LRRTM4: variants seen among roughly 807,000 people sequenced by gnomAD.
LRRTM4 encodes the protein leucine-rich repeat transmembrane neuronal protein 4.
A neutral mutation model predicts 47.6 loss-of-function variants in LRRTM4; 25 were observed. The ratio of observed to expected loss-of-function variants is 0.53; its 90% CI spans 0.38 to 0.73. The LOEUF (loss-of-function observed/expected upper bound fraction) is 0.73. Among genes scored for constraint, LRRTM4 ranks in the 30% least tolerant of loss-of-function variants. The pLI, the probability that LRRTM4 is intolerant of heterozygous loss-of-function variation, is 0.00. For missense variants in LRRTM4, 638 were observed against 713.4 expected (o/e 0.89, Z 1.20); for synonymous variants, 311 against 269.5 (o/e 1.15, Z -1.51).
At chr2:77,029,031 TCACACACA>T (rs201640727) in intron 3 of LRRTM4, among the ~76,000 whole-genome samples, 5 of 98,464 alleles carry the variant, frequency 5.1e-5, no homozygotes, top group East Asian at 5.6e-4. Flanking sequence ...CGAGAGTCCA[TCACACACA>T]CACACACACA....
intron 3 of LRRTM4, among the ~76,000 whole-genome samples, chr2:77,258,650 C>T (rs941553312): frequency 3.3e-5 from 5 of 151,562 alleles, no homozygotes; most frequent in Non-Finnish European, 5.9e-5. Flanking sequence ...ATAGTAAACT[C>T]GTAAACCCTT....
chr2:76,875,651 TTGCC>T (rs1239322749), intron 3 of LRRTM4, among the ~76,000 whole-genome samples: 1 of 152,110 alleles, frequency 6.6e-6, no homozygotes, highest in East Asian at 1.9e-4. Context: ...TCCCTGGCCT[TTGCC>T]TGTTTCTATA....
intron 3 of LRRTM4, among the ~76,000 whole-genome samples, chr2:77,307,381 C>A (rs1677310849): frequency 6.6e-6 from 1 of 151,108 alleles, no homozygotes; most frequent in East Asian, 1.9e-4. Flanking sequence ...TTCACACATT[C>A]ATTAAGAAAC....
intron 2 of LRRTM4, among the ~76,000 whole-genome samples, chr2:77,520,950 T>C (rs1449995402): frequency 6.6e-6 from 1 of 152,010 alleles, no homozygotes; most frequent in African/African-American, 2.4e-5. Context: ...GTTTCTTTTT[T>C]TTTCTTAAAT....
chr2:76,972,522 A>T (rs971111639), intron 3 of LRRTM4, among the ~76,000 whole-genome samples: 2 of 144,760 alleles, frequency 1.4e-5, no homozygotes, highest in African/African-American at 5.2e-5. Flanking sequence ...AGTTCAAGCG[A>T]TTCTTCTGCC....
chr2:77,471,138 T>C (rs1023515150), intron 3 of LRRTM4, among the ~76,000 whole-genome samples: 1 of 152,094 alleles, frequency 6.6e-6, no homozygotes, highest in Non-Finnish European at 1.5e-5. Context: ...CAAGTGTGCA[T>C]CTAAAAACTT....
intron 3 of LRRTM4, among the ~76,000 whole-genome samples, chr2:77,080,370 C>A (rs1262547490): frequency 1.3e-5 from 2 of 152,176 alleles, no homozygotes; most frequent in Non-Finnish European, 2.9e-5. Flanking sequence ...CACACTCTCA[C>A]TGTACACATC....
At chr2:76,800,543 G>T (rs1356729371) in intron 3 of LRRTM4, among the ~76,000 whole-genome samples, 1 of 143,822 alleles carries the variant, frequency 7.0e-6, no homozygotes, top group Middle Eastern at 3.6e-3. Context: ...ATAGGCATGG[G>T]CAAGGACTTC....
At chr2:77,261,531 A>G (rs1675918977) in intron 3 of LRRTM4, among the ~76,000 whole-genome samples, 2 of 152,080 alleles carry the variant, frequency 1.3e-5, no homozygotes, top group Admixed American at 1.3e-4. Flanking sequence ...GAAATGAAAC[A>G]TGAGAAATAA....
intron 3 of LRRTM4, among the ~76,000 whole-genome samples, chr2:76,758,408 C>T (rs1673139706): frequency 6.6e-6 from 1 of 152,132 alleles, no homozygotes; most frequent in Non-Finnish European, 1.5e-5. Context: ...AGGAAGAAAA[C>T]TGCAGAGGAC....
At chr2:77,045,900 A>T (rs552585785) in intron 3 of LRRTM4, among the ~76,000 whole-genome samples, 2 of 151,956 alleles carry the variant, frequency 1.3e-5, no homozygotes, top group Non-Finnish European at 2.9e-5. Flanking sequence ...AGTTTTTTAC[A>T]CTTGGTTTGA....
chr2:76,869,777 A>G (rs2104046729), intron 3 of LRRTM4, among the ~76,000 whole-genome samples: 1 of 152,354 alleles, frequency 6.6e-6, no homozygotes, highest in South Asian at 2.1e-4. Flanking sequence ...AAAGAAAGGC[A>G]CAAAAGAAAA....
intron 3 of LRRTM4, among the ~76,000 whole-genome samples, chr2:77,194,142 T>C (rs896449392): frequency 6.6e-6 from 1 of 152,136 alleles, no homozygotes; most frequent in Non-Finnish European, 1.5e-5. Context: ...GCCCAGGTCT[T>C]GGAGTTGTGC....
Position 77,518,759 on chromosome 2 carries a change from T to A in LRRTM4, c.1110A>T (p.Arg370Ser). 1 of 1,613,338 alleles carries A rather than the reference T, an allele frequency of 6.2e-7. No individual in the cohort carries two copies. Among genetic ancestry groups the A allele is most frequent in the Non-Finnish European group, 8.5e-7 (1 of 1,179,628 alleles). Residue 370 changes from arginine (R) to serine (S), a missense_variant, in exon 3 of 4, where the codon AGA becomes AGT. Transcript: ENST00000409884. ...CSEVQVVNTE[R>S]SHLVPQTPQK... ...GGGGAGTTTGGGGCACCAGGTGTGA[T>A]CTTTCTGTGTTGACCACCTGGACTT...
At chr2:77,286,367 AT>A (rs1358457747) in intron 3 of LRRTM4, among the ~76,000 whole-genome samples, 9 of 151,982 alleles carry the variant, frequency 5.9e-5, no homozygotes, top group Non-Finnish European at 8.8e-5. Context: ...TATGATATTA[AT>A]TTTTTAAATT....
chr2:76,897,518 C>T (rs1673463451), intron 3 of LRRTM4, among the ~76,000 whole-genome samples: 1 of 151,972 alleles, frequency 6.6e-6, no homozygotes, highest in Non-Finnish European at 1.5e-5. Flanking sequence ...TTTTATTAAT[C>T]TCTGGTAAAC....
chr2:77,212,513 G>GTA (rs1451729768), intron 3 of LRRTM4, among the ~76,000 whole-genome samples: 39 of 148,344 alleles, frequency 2.6e-4, no homozygotes, highest in Non-Finnish European at 3.7e-4. Flanking sequence ...TTAATCTCGT[G>GTA]TATATATATA....
intron 3 of LRRTM4, among the ~76,000 whole-genome samples, chr2:77,098,115 T>A (rs1281109223): frequency 6.6e-6 from 1 of 151,920 alleles, no homozygotes; most frequent in Non-Finnish European, 1.5e-5. Context: ...CACTTGCAAA[T>A]AAATAGAAAT....
At chr2:76,998,997 T>C (rs1184286922) in intron 3 of LRRTM4, among the ~76,000 whole-genome samples, 2 of 140,770 alleles carry the variant, frequency 1.4e-5, no homozygotes, top group Non-Finnish European at 3.1e-5. Context: ...CCTATCAGTC[T>C]AACTTAGAGA....
Sources: gnomAD v4.1 joint callset for allele counts (sites outside exome capture counted in the v4.1 genomes callset) on GRCh38, gnomAD v4.1.1 for gene constraint, MANE v1.5 for transcripts, NCBI Gene and HGNC (gene_info 2026-07-23, HGNC 2026-07-21) for gene names.